C19orf47: variants seen among roughly 807,000 people sequenced by gnomAD.
C19orf47 encodes chromosome 19 open reading frame 47, also known as uncharacterized protein C19orf47.
C19orf47 carries 18 observed loss-of-function variants against 32.3 expected under a neutral mutation model. The observed-to-expected ratio is 0.56, with a 90% CI of 0.39 to 0.83. C19orf47 has a LOEUF of 0.83. Ranked by LOEUF, C19orf47 falls within the 40% of genes least tolerant of loss-of-function variation. The pLI is 0.00. For synonymous variants in C19orf47, 202 were observed against 211.1 expected, an observed-to-expected ratio of 0.96 and a Z score of 0.37; for missense variants, 484 against 531.6, an observed-to-expected ratio of 0.91 and a Z score of 0.88.
intron 5 of C19orf47, among the ~76,000 whole-genome samples, chr19:40,330,155 T>C (rs1427061533): frequency 6.6e-6 from 1 of 152,182 alleles, no homozygotes; most frequent in African/African-American, 2.4e-5. Context: ...TAGAGCATTC[T>C]TCCCACCCCT....
intron 1 of C19orf47, 75 bp downstream of exon 1, chr19:40,348,249 T>C: frequency 9.6e-7 from 1 of 1,042,464 alleles, no homozygotes. Flanking sequence ...GAGCCCGAAC[T>C]GAGTCCAGAC....
intron 2 of C19orf47, among the ~76,000 whole-genome samples, chr19:40,336,657 A>G (rs996260484): frequency 3.3e-5 from 5 of 152,144 alleles, no homozygotes; most frequent in South Asian, 2.1e-4. Flanking sequence ...CCAAGCCACA[A>G]TGCTAAACAA....
chr19:40,345,776 G>T (rs376350272), intron 1 of C19orf47, among the ~76,000 whole-genome samples: 19 of 150,846 alleles, frequency 1.3e-4, no homozygotes, highest in South Asian at 2.1e-4. Context: ...CGGGGCGGGG[G>T]GGGGAGAGGT....
At chr19:40,305,341 T>TC in the C19orf47 span, among the ~76,000 whole-genome samples, 48 of 142,660 alleles carry the variant, frequency 3.4e-4, no homozygotes, top group African/African-American at 1.1e-3. Context: ...AGACTCTGTC[T>TC]CAAAAAAAAA....
chr19:40,304,448 T>C, the C19orf47 span, among the ~76,000 whole-genome samples: 2 of 152,120 alleles, frequency 1.3e-5, no homozygotes, highest in South Asian at 4.1e-4. Context: ...TCACAGGAGA[T>C]GAGACTGGAG....
chr19:40,335,776 A>T (rs890654314), intron 4 of C19orf47, among the ~76,000 whole-genome samples: 1 of 151,924 alleles, frequency 6.6e-6, no homozygotes, highest in Non-Finnish European at 1.5e-5. Flanking sequence ...CGCTCGGCTA[A>T]TTTTTTGTAT....
At position 40,342,067 on chromosome 19, in the gene C19orf47, T is replaced by C. The variant is rs1004067640; in HGVS notation, c.-33-177A>G. The C allele has an allele frequency of 4.1e-6, 4 of 985,222 alleles. No homozygotes were observed. In the African/African-American group the frequency reaches 7.0e-5, roughly 17 times the overall value. The allele number at this position is 985,222 out of a possible 1,614,324, so 61.0% of individuals were successfully genotyped here. A position where few individuals can be genotyped will look rare whatever the true frequency, so the allele number is the denominator to read the frequency against. The stretch of plus-strand genomic sequence containing the variant: ...GCCTGGGACAGAGCTGCCACCACCA[T>C]CATCGCTTGTGCCTGAGACAAGGCC... On this transcript the variant is annotated intron_variant, in intron 1 of 8. Coordinates refer to ENST00000683109, the MANE Select transcript of C19orf47 (RefSeq NM_001256441.2).
the C19orf47 span, among the ~76,000 whole-genome samples, chr19:40,296,230 C>T: frequency 6.6e-6 from 1 of 152,116 alleles, no homozygotes; most frequent in African/African-American, 2.4e-5. Flanking sequence ...ACTTGTACTG[C>T]ATGTTATTGT....
At position 40,328,505 on chromosome 19, in the gene C19orf47, G is replaced by T; in HGVS notation, c.347C>A (p.Pro116His). The T allele has an allele frequency of 6.2e-7, 1 of 1,611,652 alleles. No individual in the cohort carries two copies. Among genetic ancestry groups the T allele is most frequent in the Non-Finnish European group, 8.5e-7 (1 of 1,178,942 alleles). Residue 116 changes from proline (P) to histidine (H), a missense_variant, in exon 6 of 9, where the codon CCC (proline) becomes CAC (histidine). Physicochemically the swap from Pro to His is moderately conservative, Grantham distance 77. Transcript: ENST00000683109. ...ITNSLNHDSPPSTPPRRPDTS... is the reference protein window; with the variant it reads ...ITNSLNHDSPHSTPPRRPDTS... Reference sequence around the variant, plus strand: ...GTCCGGGCGCCTGGGGGGTGTGCTGGGTGGAGAGTCATGGTTCAGGCTGTT... The same window carrying T: ...GTCCGGGCGCCTGGGGGGTGTGCTGTGTGGAGAGTCATGGTTCAGGCTGTT...
intron 2 of C19orf47, among the ~76,000 whole-genome samples, chr19:40,337,714 G>A (rs777962936): frequency 3.9e-5 from 6 of 152,138 alleles, no homozygotes; most frequent in Admixed American, 6.5e-5. Flanking sequence ...GTGGCAGTGC[G>A]GGGCTCAGGT....
chr19:40,298,301 C>CA, the C19orf47 span, among the ~76,000 whole-genome samples: 1,001 of 70,740 alleles, frequency 0.014, 6 homozygotes, highest in Middle Eastern at 0.028. Flanking sequence ...AACATTGTCT[C>CA]AAAAAAAAAA....
rs1002934459 is a variant in C19orf47, at chr19:40,320,404, G to A, written c.*1478C>T. The A allele has an allele frequency of 1.0e-4, 16 of 155,026 alleles. 1 individual carries two copies. Among genetic ancestry groups the A allele is most frequent in the African/African-American group, 3.6e-4 (15 of 41,416 alleles). 9.6% of individuals were successfully genotyped at this position (155,026 alleles called of 1,614,324 possible). A position where few individuals can be genotyped will look rare whatever the true frequency, so the allele number is the denominator to read the frequency against. ...GCCCACCCACCTCTGCCTCATGCTG[G>A]AGGCAGGGCCCACCCTCACCCACAG... is the stretch of plus-strand genomic sequence containing the variant. On this transcript the variant is annotated 3_prime_UTR_variant, in exon 9 of 9. Transcript: ENST00000683109.
intron 8 of C19orf47, 109 bp downstream of exon 8, chr19:40,323,897 T>C (rs1600168973): frequency 1.1e-5 from 15 of 1,360,854 alleles, no homozygotes; most frequent in Non-Finnish European, 1.6e-5. Flanking sequence ...GAAAGGCAGG[T>C]TAGACGGCCC....
intron 7 of C19orf47, 86 bp from the exon 8 acceptor site, chr19:40,324,162 C>T: frequency 2.3e-6 from 3 of 1,295,562 alleles, no homozygotes; most frequent in Non-Finnish European, 2.2e-6. Flanking sequence ...GCAGCCCAGA[C>T]ACCAGTAGCT....
At chr19:40,325,132 C>T (rs1399536679) in intron 7 of C19orf47, among the ~76,000 whole-genome samples, 3 of 151,026 alleles carry the variant, frequency 2.0e-5, no homozygotes, top group South Asian at 2.1e-4. Flanking sequence ...TAGCTGGGCA[C>T]GGTGGCGTGC....
chr19:40,293,622 C>T, the C19orf47 span, among the ~76,000 whole-genome samples: 22 of 151,832 alleles, frequency 1.4e-4, no homozygotes, highest in Non-Finnish European at 5.9e-5. Flanking sequence ...AGTGCCACCA[C>T]ACCAGGCTAA....
chr19:40,325,070 G>A (rs2077800974), intron 7 of C19orf47, among the ~76,000 whole-genome samples: 1 of 151,836 alleles, frequency 6.6e-6, no homozygotes, highest in African/African-American at 2.4e-5. Context: ...AGGAGTTTGA[G>A]ACCAGCCTGG....
At chr19:40,325,805 G>C (rs1455983521) in intron 7 of C19orf47, among the ~76,000 whole-genome samples, 1 of 152,114 alleles carries the variant, frequency 6.6e-6, no homozygotes, top group African/African-American at 2.4e-5. Context: ...TACAGGCATG[G>C]GCCACCGCGC....
chr19:40,328,451 A>G lies in C19orf47; in HGVS notation c.401T>C (p.Val134Ala). The G allele has an allele frequency of 6.2e-7, 1 of 1,612,842 alleles. No individual in the cohort carries two copies. Among genetic ancestry groups the G allele is most frequent in the Non-Finnish European group, 8.5e-7 (1 of 1,179,432 alleles). ...DTSTSKISVT[V>A]SNKMAAKSAK... ...ACTCTTTGCTGCCATCTTGTTGGAC[A>G]CAGTGACCGAGATCTTGGAGGTGCT... is the stretch of plus-strand genomic sequence containing the variant. Residue 134 changes from valine to alanine, a missense_variant, in exon 6 of 9, where the codon GTG (valine) becomes GCG (alanine). By Grantham distance (64) the Val-to-Ala change is moderately conservative. This residue lies in a region of C19orf47 where 376 missense variants were observed against 370.2 expected (regional missense o/e 1.02). Transcript: ENST00000683109.
Sources: allele counts gnomAD v4.1 joint callset (sites outside exome capture counted in the v4.1 genomes callset), GRCh38; gene constraint gnomAD v4.1.1; regional missense constraint gnomAD v4.1.1; transcripts MANE v1.5; gene names NCBI Gene and HGNC (gene_info 2026-07-23, HGNC 2026-07-21).